The following ABCB4 variants were observed in gnomAD, a reference collection of about 807,000 sequenced individuals.
ABCB4 encodes ATP binding cassette subfamily B member 4.
ABCB4 carries 76 observed loss-of-function variants against 145.7 expected under a neutral mutation model. The observed-to-expected ratio is 0.52, with a 90% CI of 0.43 to 0.63. The LOEUF (loss-of-function observed/expected upper bound fraction) is 0.63, where lower values mean the gene tolerates loss of function less well. Among genes scored for constraint, ABCB4 ranks in the 30% least tolerant of loss-of-function variants. The probability of loss-of-function intolerance (pLI) is 0.00; values close to 1 mark genes in which losing one functional copy is unlikely to be tolerated. For synonymous variants in ABCB4, 517 were observed against 566.8 expected (o/e 0.91, Z 1.25); for missense variants, 1,234 against 1,553.1 (o/e 0.79, Z 3.45).
the ABCB4 span, chr7:87,382,202 T>G: frequency 6.4e-7 from 1 of 1,562,040 alleles, no homozygotes; most frequent in Middle Eastern, 1.7e-4. Flanking sequence ...CACTTTTCTC[T>G]TAAATAATAA....
At position 87,426,799 on chromosome 7, in the gene ABCB4, T is replaced by G; in HGVS notation, c.2015A>C (p.Lys672Thr). ...LFRHSTQKNL[K>T]NSQMCQKSLD... ...GCTCTTCTGACACATTTGTGAATTT[T>G]TAAGGTTTTTCTGAGTAGAATGCCT... is the stretch of plus-strand genomic sequence containing the variant. Residue 672 changes from lysine to threonine, a missense_variant, in exon 16 of 28, where the codon AAA becomes ACA. Transcript: ENST00000649586. 6.2e-7 allele frequency: 1 copy of G among 1,614,068 alleles called. No homozygotes were observed. The highest frequency in any genetic ancestry group is 8.5e-7 in the Non-Finnish European group (1 of 1,179,974).
chr7:87,375,978 T>TC, the ABCB4 span: 1 of 1,537,196 alleles, frequency 6.5e-7, no homozygotes, highest in Non-Finnish European at 8.7e-7. Flanking sequence ...TCTCTTTTTT[T>TC]TTTTATTGCA....
intron 4 of ABCB4, among the ~76,000 whole-genome samples, chr7:87,461,541 A>G (rs45517535): frequency 6.6e-6 from 1 of 152,328 alleles, no homozygotes; most frequent in East Asian, 1.9e-4. Flanking sequence ...GTGAGGGTAA[A>G]GTGGAATAAT....
At chr7:87,370,461 G>C in the ABCB4 span, among the ~76,000 whole-genome samples, 8 of 152,142 alleles carry the variant, frequency 5.3e-5, no homozygotes, top group Non-Finnish European at 4.4e-5. Context: ...GGGATTACAG[G>C]CATGAGCCAC....
chr7:87,418,538 C>G lies in ABCB4; in HGVS notation c.2477G>C (p.Gly826Ala), dbSNP rs749444322. The change falls in exon 20 of 28, where the codon GGA becomes GCA. Residue 826 changes from glycine (G) to alanine (A), a missense_variant and splice_region_variant. Physicochemically the swap from Gly to Ala is moderately conservative, Grantham distance 60 (BLOSUM62 0). Transcript: ENST00000649586. ...ACAAGTAGAGTGCAGTCTACCTACT[C>G]CTTGGACTTGGGCAGCATCTGTGGC... The part of the protein sequence containing the change: ...RLATDAAQVQ[G>A]ATGTRLALIA... The G allele has an allele frequency of 1.9e-6, 3 of 1,613,988 alleles. No homozygotes were observed. In the African/African-American group the frequency reaches 4.0e-5, roughly 22 times the overall value.
chr7:87,439,892 G>A, intron 13 of ABCB4, 55 bp from the exon 14 acceptor site: 8 of 1,608,700 alleles, frequency 5.0e-6, no homozygotes, highest in Non-Finnish European at 6.8e-6. Flanking sequence ...AAAAAGGCTA[G>A]GAATTCTATA....
chr7:87,437,978 A>T (rs1310436229), intron 14 of ABCB4, among the ~76,000 whole-genome samples: 1 of 152,240 alleles, frequency 6.6e-6, no homozygotes, highest in Non-Finnish European at 1.5e-5. Flanking sequence ...AATACGTACT[A>T]AAACTTGCAA....
At chr7:87,377,535 A>G in the ABCB4 span, 3 of 761,630 alleles carry the variant, frequency 3.9e-6, no homozygotes, top group South Asian at 1.7e-5. Context: ...GCTGGGGAAC[A>G]GTGTAAGTGA....
chr7:87,415,204 C>T (rs1808882934), intron 21 of ABCB4, among the ~76,000 whole-genome samples: 1 of 152,138 alleles, frequency 6.6e-6, no homozygotes, highest in African/African-American at 2.4e-5. Context: ...ATGAGGCAGT[C>T]TTCCCTCCCC....
the ABCB4 span, among the ~76,000 whole-genome samples, chr7:87,373,482 A>G: frequency 2.0e-5 from 3 of 152,116 alleles, 1 homozygote; most frequent in Admixed American, 1.3e-4. Context: ...ATTGTATCTA[A>G]GAAACCATTG....
At chr7:87,433,955 G>A (rs1350229666) in intron 14 of ABCB4, among the ~76,000 whole-genome samples, 3 of 150,982 alleles carry the variant, frequency 2.0e-5, no homozygotes, top group Non-Finnish European at 3.0e-5. Context: ...TTTTGAGATG[G>A]AGTCTTGCTC....
the ABCB4 span, among the ~76,000 whole-genome samples, chr7:87,381,527 C>T: frequency 6.6e-6 from 1 of 152,142 alleles, no homozygotes; most frequent in Non-Finnish European, 1.5e-5. Context: ...GGTTGCCATC[C>T]CCATCTGCTT....
At chr7:87,424,866 A>G (rs1361675962) in intron 16 of ABCB4, among the ~76,000 whole-genome samples, 2 of 152,190 alleles carry the variant, frequency 1.3e-5, no homozygotes, top group Non-Finnish European at 2.9e-5. Context: ...CTCATAAAGA[A>G]TGTTTTGATG....
intron 3 of ABCB4, among the ~76,000 whole-genome samples, chr7:87,470,000 G>A (rs1468406018): frequency 6.6e-6 from 1 of 152,142 alleles, no homozygotes; most frequent in Non-Finnish European, 1.5e-5. Flanking sequence ...AAAACAGCAT[G>A]GTACTGGTAC....
the ABCB4 span, among the ~76,000 whole-genome samples, chr7:87,396,119 G>A: frequency 3.3e-5 from 5 of 152,164 alleles, no homozygotes; most frequent in African/African-American, 1.2e-4. Context: ...AAAAGTGGAG[G>A]GTGAAGGATT....
At chr7:87,433,611 C>T (rs1279798639) in intron 14 of ABCB4, among the ~76,000 whole-genome samples, 1 of 149,386 alleles carries the variant, frequency 6.7e-6, no homozygotes, top group African/African-American at 2.5e-5. Context: ...TAGAAGTAAG[C>T]AACTGTCACC....
At chr7:87,434,095 AT>A (rs756063095) in intron 14 of ABCB4, among the ~76,000 whole-genome samples, 1,265 of 118,042 alleles carry the variant, frequency 0.011, 9 homozygotes, top group African/African-American at 0.025. Flanking sequence ...CACCTGGCTA[AT>A]TTTTTTTTTT....
chr7:87,391,704 T>C, the ABCB4 span: 5 of 1,606,942 alleles, frequency 3.1e-6, no homozygotes, highest in African/African-American at 6.7e-5. Context: ...GCAGGATCCT[T>C]CTGTCAATGT....
chr7:87,392,916 C>T, the ABCB4 span: 5 of 1,612,614 alleles, frequency 3.1e-6, no homozygotes, highest in Non-Finnish European at 4.2e-6. Context: ...ATCTGTAGGC[C>T]TAGTAAAATG....
Sources: gnomAD v4.1 joint callset for allele counts (sites outside exome capture counted in the v4.1 genomes callset) on GRCh38, gnomAD v4.1.1 for gene constraint, MANE v1.5 for transcripts, NCBI Gene and HGNC (gene_info 2026-07-23, HGNC 2026-07-21) for gene names.